Variants in GABRA3 observed in about 807,000 individuals in gnomAD.
GABRA3 encodes the protein gamma-aminobutyric acid receptor subunit alpha-3.
GABRA3 carries 10 observed loss-of-function variants against 30.1 expected under a neutral mutation model. That is an observed-to-expected ratio of 0.33 (90% CI 0.20 to 0.56). The LOEUF (loss-of-function observed/expected upper bound fraction) is 0.56, where lower values mean the gene tolerates loss of function less well. Among genes scored for constraint, GABRA3 ranks in the 20% least tolerant of loss-of-function variants. The pLI is 0.89. For missense variants in GABRA3, 233 were observed against 392.0 expected, an observed-to-expected ratio of 0.59 and a Z score of 3.42; for synonymous variants, 151 against 146.8, an observed-to-expected ratio of 1.03 and a Z score of -0.21.
intron 1 of GABRA3, among the ~76,000 whole-genome samples, chrX:152,370,696 A>G (rs1928812334): frequency 1.8e-5 from 2 of 111,339 alleles, no homozygotes; most frequent in African/African-American, 6.5e-5. Context: ...TTTTCCTCCA[A>G]TGAGCCTCAG....
intron 4 of GABRA3, among the ~76,000 whole-genome samples, chrX:152,261,968 T>C (rs951728175): frequency 1.8e-5 from 2 of 112,731 alleles, no homozygotes; most frequent in Non-Finnish European, 3.8e-5. Context: ...CTCTGAAATC[T>C]AGGTGGAGGT....
chrX:152,180,346 T>G (rs1937129438), intron 9 of GABRA3, among the ~76,000 whole-genome samples: 1 of 112,396 alleles, frequency 8.9e-6, no homozygotes, highest in Non-Finnish European at 1.9e-5. Flanking sequence ...CTGTATGTCT[T>G]CTTTTGAGAA....
At position 152,399,702 on chromosome X, in the gene GABRA3, A is replaced by G. The variant is rs766406248; in HGVS notation, c.-26-35106T>C. Among the ~76,000 whole-genome samples the G allele has an allele frequency of 1.4e-4, 16 of 112,111 alleles. No homozygotes were observed. The South Asian group carries it at 5.6e-3, about 39-fold the overall frequency. ...TTTGCATATTAGAGAGAGCTTTCTG[A>G]TTGCTAGATACAGATTGGATTTAAA... On this transcript the variant is annotated intron_variant, in intron 1 of 9. Transcript: ENST00000370314.
intron 4 of GABRA3, among the ~76,000 whole-genome samples, chrX:152,272,794 G>C (rs1239179590): frequency 9.0e-6 from 1 of 111,263 alleles, no homozygotes; most frequent in African/African-American, 3.3e-5. Flanking sequence ...TCTCATGATA[G>C]TGAGTGAGTT....
rs188494396 is a variant in GABRA3 at position 152,265,524 on chromosome X, T to C, written c.331-9526A>G. 4.8e-3 allele frequency among the ~76,000 whole-genome samples: 532 copies of C among 111,188 alleles called. 3 individuals are homozygous for C. Among genetic ancestry groups the C allele is most frequent in the Non-Finnish European group, 5.6e-3 (295 of 52,877 alleles). ...GTGCTAAGAGGGAAGTTTATAGATA[T>C]AAGTGCCTCTACCAAAAAGGAAGAA... On this transcript the variant is annotated intron_variant, in intron 4 of 9. Transcript: ENST00000370314.
At chrX:152,389,601 A>G (rs1322200824) in intron 1 of GABRA3, 2 of 111,730 alleles carry the variant, frequency 1.8e-5, no homozygotes, top group Non-Finnish European at 3.8e-5. Context: ...CTAAGTGCAG[A>G]CAGTAATTGA....
chrX:152,362,525 A>T (rs1266495197), intron 2 of GABRA3, among the ~76,000 whole-genome samples: 2 of 111,734 alleles, frequency 1.8e-5, no homozygotes, highest in Non-Finnish European at 3.8e-5. Context: ...ACAGAAAACC[A>T]TGAAAGGGCT....
chrX:152,375,346 T>G (rs1426119311), intron 1 of GABRA3, among the ~76,000 whole-genome samples: 1 of 112,300 alleles, frequency 8.9e-6, no homozygotes, highest in Non-Finnish European at 1.9e-5. Flanking sequence ...TCTCTATGAC[T>G]TTCTCTTCCA....
intron 3 of GABRA3, among the ~76,000 whole-genome samples, chrX:152,293,724 T>C (rs1227324311): frequency 1.8e-5 from 2 of 111,798 alleles, no homozygotes; most frequent in African/African-American, 3.3e-5. Flanking sequence ...CTAGCATCAA[T>C]TGTCTTTACA....
chrX:152,379,948 G>A (rs111803223), intron 1 of GABRA3, among the ~76,000 whole-genome samples: 2,461 of 110,026 alleles, frequency 0.022, 33 homozygotes, highest in South Asian at 0.058. Flanking sequence ...AGCGAGTCTC[G>A]TGCCTCAGCC....
intron 4 of GABRA3, among the ~76,000 whole-genome samples, chrX:152,281,794 A>G (rs1482169208): frequency 8.9e-6 from 1 of 112,167 alleles, no homozygotes; most frequent in East Asian, 2.8e-4. Flanking sequence ...ACAAACACAT[A>G]CAGAGGACCT....
chrX:152,393,798 G>C (rs190220025), intron 1 of GABRA3, among the ~76,000 whole-genome samples: 192 of 111,625 alleles, frequency 1.7e-3, no homozygotes, highest in African/African-American at 5.8e-3. Context: ...AGATGAACAA[G>C]GATATTGAAG....
intron 3 of GABRA3, among the ~76,000 whole-genome samples, chrX:152,286,883 A>G (rs1939306404): frequency 8.9e-6 from 1 of 112,157 alleles, no homozygotes; most frequent in Non-Finnish European, 1.9e-5. Context: ...GCTGTGTTTT[A>G]AATAGCTGGG....
intron 2 of GABRA3, among the ~76,000 whole-genome samples, chrX:152,349,664 T>G (rs1312291460): frequency 1.0e-5 from 1 of 100,415 alleles, no homozygotes; most frequent in Non-Finnish European, 2.0e-5. Flanking sequence ...TCCTAGTCTC[T>G]GATAAAACAG....
intron 1 of GABRA3, among the ~76,000 whole-genome samples, chrX:152,424,141 C>G (rs1266167167): frequency 3.6e-5 from 4 of 110,441 alleles, no homozygotes; most frequent in Non-Finnish European, 5.7e-5. Context: ...CCAGCATTCT[C>G]CCAAAATCAA....
At chrX:152,279,949 G>T (rs1256634592) in intron 4 of GABRA3, among the ~76,000 whole-genome samples, 5 of 111,142 alleles carry the variant, frequency 4.5e-5, no homozygotes, top group Non-Finnish European at 9.4e-5. Flanking sequence ...TGTGATTTTT[G>T]CACATTGATT....
intron 1 of GABRA3, chrX:152,393,569 T>C: frequency 3.2e-6 from 1 of 313,250 alleles, no homozygotes; most frequent in Non-Finnish European, 6.3e-6. Context: ...CAATGAGGAA[T>C]ATGCCCAGAT....
At chrX:152,367,432 A>C (rs1374879764) in intron 1 of GABRA3, among the ~76,000 whole-genome samples, 1 of 111,835 alleles carries the variant, frequency 8.9e-6, no homozygotes, top group Non-Finnish European at 1.9e-5. Context: ...TGCATGGCCA[A>C]ATTAGCAAAT....
chrX:152,402,167 A>G (rs750867612), intron 1 of GABRA3, among the ~76,000 whole-genome samples: 1 of 112,134 alleles, frequency 8.9e-6, no homozygotes, highest in African/African-American at 3.2e-5. Context: ...CTCCGTAAGG[A>G]ATACTGTTCA....
Sources: gnomAD v4.1 joint callset for allele counts (sites outside exome capture counted in the v4.1 genomes callset) on GRCh38, gnomAD v4.1.1 for gene constraint, MANE v1.5 for transcripts, NCBI Gene and HGNC (gene_info 2026-07-23, HGNC 2026-07-21) for gene names.